SATB2: variants seen among roughly 807,000 people sequenced by gnomAD.
The protein encoded by SATB2 is DNA-binding protein SATB2.
Under a neutral mutation model 73.4 loss-of-function variants are expected in SATB2, and 1 was observed. The observed-to-expected ratio is 0.01, with a 90% CI of 0.00 to 0.06. SATB2 has a LOEUF of 0.06. Ranked by LOEUF, SATB2 falls within the 10% of genes least tolerant of loss-of-function variation. SATB2 has a pLI of 1.00. For synonymous variants in SATB2, 397 were observed against 367.0 expected, an observed-to-expected ratio of 1.08 and a Z score of -0.93; for missense variants, 459 against 945.8, an observed-to-expected ratio of 0.49 and a Z score of 6.75.
intron 6 of SATB2, among the ~76,000 whole-genome samples, chr2:199,359,452 C>T (rs1328341051): frequency 6.6e-6 from 1 of 152,142 alleles, no homozygotes; most frequent in African/African-American, 2.4e-5. Context: ...ATCACATTTG[C>T]TAAGGACATT....
At chr2:199,294,736 A>T (rs1295598743) in intron 10 of SATB2, among the ~76,000 whole-genome samples, 1 of 152,230 alleles carries the variant, frequency 6.6e-6, no homozygotes, top group Non-Finnish European at 1.5e-5. Context: ...ACTTAAAAAA[A>T]ATCATTGCAT....
chr2:199,341,987 G>C (rs562428830), intron 7 of SATB2, among the ~76,000 whole-genome samples: 1 of 152,314 alleles, frequency 6.6e-6, no homozygotes, highest in African/African-American at 2.4e-5. Context: ...CTTCAGAGCT[G>C]TCGCTACTAC....
chr2:199,438,355 T>C (rs544781203), intron 2 of SATB2, among the ~76,000 whole-genome samples: 1 of 152,320 alleles, frequency 6.6e-6, no homozygotes, highest in African/African-American at 2.4e-5. Flanking sequence ...ACTAGGCCAA[T>C]AGTGTGACTG....
At chr2:199,442,078 C>T (rs1001446228) in intron 2 of SATB2, among the ~76,000 whole-genome samples, 2 of 152,144 alleles carry the variant, frequency 1.3e-5, no homozygotes, top group Non-Finnish European at 1.5e-5. Context: ...TGCCTCATGC[C>T]CCTCCCAACC....
At chr2:199,289,761 C>G (rs6435009) in intron 10 of SATB2, among the ~76,000 whole-genome samples, 151,824 of 152,342 alleles carry the variant, frequency 1, 75,655 homozygotes, top group Middle Eastern at 1. Context: ...CTCCAGCCAA[C>G]ATCTGAGAGT....
chr2:199,381,646 C>T (rs781514976), intron 4 of SATB2, 48 bp downstream of exon 4: 49 of 1,610,648 alleles, frequency 3.0e-5, no homozygotes, highest in East Asian at 2.7e-4. Context: ...CTATGATTGA[C>T]GGAGCAGCTC....
intron 3 of SATB2, among the ~76,000 whole-genome samples, chr2:199,402,091 T>C (rs1690495556): frequency 6.6e-6 from 1 of 151,958 alleles, no homozygotes; most frequent in South Asian, 2.1e-4. Flanking sequence ...TTCCTCAAGA[T>C]TTGATACATT....
At chr2:199,448,713 G>C (rs1692037011) in intron 2 of SATB2, among the ~76,000 whole-genome samples, 1 of 152,156 alleles carries the variant, frequency 6.6e-6, no homozygotes, top group Non-Finnish European at 1.5e-5. Context: ...TTCAGTAACT[G>C]TGCAACCATC....
intron 6 of SATB2, among the ~76,000 whole-genome samples, chr2:199,361,212 G>T (rs1339102133): frequency 6.6e-6 from 1 of 152,092 alleles, no homozygotes; most frequent in Non-Finnish European, 1.5e-5. Context: ...TCTCACTGAG[G>T]TATCAGCAAT....
intron 2 of SATB2, among the ~76,000 whole-genome samples, chr2:199,454,849 G>C (rs1692227786): frequency 6.6e-6 from 1 of 152,102 alleles, no homozygotes; most frequent in Non-Finnish European, 1.5e-5. Context: ...AAGGGGGTGG[G>C]AGCTTATCAT....
At chr2:199,394,547 C>A (rs1690243066) in intron 3 of SATB2, among the ~76,000 whole-genome samples, 2 of 152,026 alleles carry the variant, frequency 1.3e-5, no homozygotes, top group Non-Finnish European at 2.9e-5. Flanking sequence ...AATCCCAACA[C>A]TTTGGGAGGC....
chr2:199,363,491 G>C (rs999643233), intron 6 of SATB2, among the ~76,000 whole-genome samples: 2 of 152,192 alleles, frequency 1.3e-5, no homozygotes, highest in Non-Finnish European at 2.9e-5. Context: ...CAGAGGCTGG[G>C]AGGTGGGAGC....
chr2:199,397,794 TG>T, intron 3 of SATB2: 1 of 421,802 alleles, frequency 2.4e-6, no homozygotes, highest in African/African-American at 2.1e-5. Flanking sequence ...GAGGCTGAGG[TG>T]GGAGGATCCC....
intron 7 of SATB2, among the ~76,000 whole-genome samples, chr2:199,333,918 C>G (rs1688262075): frequency 6.6e-6 from 1 of 152,086 alleles, no homozygotes; most frequent in Non-Finnish European, 1.5e-5. Flanking sequence ...CCTAGTACTT[C>G]CCTTTGGAAA....
intron 3 of SATB2, among the ~76,000 whole-genome samples, chr2:199,398,613 A>G (rs1275274169): frequency 1.3e-5 from 2 of 152,208 alleles, no homozygotes; most frequent in Non-Finnish European, 2.9e-5. Flanking sequence ...TTATCTGTAA[A>G]CAAGATGATG....
chr2:199,310,423 A>T (rs1687564772), intron 9 of SATB2, among the ~76,000 whole-genome samples: 1 of 152,172 alleles, frequency 6.6e-6, no homozygotes, highest in African/African-American at 2.4e-5. Flanking sequence ...TTTCAACTCA[A>T]TTGAAAGGCA....
upstream of SATB2, among the ~76,000 whole-genome samples, chr2:199,462,533 G>A (rs930919508): frequency 6.6e-6 from 1 of 152,186 alleles, no homozygotes; most frequent in African/African-American, 2.4e-5. This position sits in a 1 kb window ranked among gnomAD's most constrained non-coding sequence, Gnocchi z 5.9. Flanking sequence ...GGGACTGACC[G>A]GAGCGCAGGG....
chr2:199,324,408 T>C (rs1033250825), intron 8 of SATB2, among the ~76,000 whole-genome samples: 1 of 152,186 alleles, frequency 6.6e-6, no homozygotes, highest in African/African-American at 2.4e-5. Context: ...CAAGTCTCTC[T>C]TATTCTTTAT....
intron 5 of SATB2, among the ~76,000 whole-genome samples, chr2:199,375,177 C>T (rs1174045921): frequency 6.6e-6 from 1 of 152,026 alleles, no homozygotes; most frequent in Non-Finnish European, 1.5e-5. Flanking sequence ...AATAAGTAAG[C>T]CACAGAAAGA....
Sources: allele counts gnomAD v4.1 joint callset (sites outside exome capture counted in the v4.1 genomes callset), GRCh38; gene constraint gnomAD v4.1.1; non-coding constraint Gnocchi (gnomAD v3.1); transcripts MANE v1.5; gene names NCBI Gene and HGNC (gene_info 2026-07-23, HGNC 2026-07-21).